The following BLVRA variants were observed in gnomAD, a reference collection of about 807,000 sequenced individuals.
BLVRA encodes BVR A.
In BLVRA, 22 loss-of-function variants were observed where a neutral mutation model predicts 32.8. The observed-to-expected ratio is 0.67, with a 90% CI of 0.48 to 0.96. BLVRA has a LOEUF of 0.96. Among genes scored for constraint, BLVRA ranks in the 40% least tolerant of loss-of-function variants. The probability of loss-of-function intolerance (pLI) is 0.00; values close to 1 mark genes in which losing one functional copy is unlikely to be tolerated. For synonymous variants in BLVRA, 119 were observed against 141.3 expected (o/e 0.84, Z 1.12); for missense variants, 323 against 358.1 (o/e 0.90, Z 0.79).
rs1196002729 is a variant in BLVRA, at chr7:43,774,186, T to C, written c.12+3016T>C. 9.9e-5 allele frequency among the ~76,000 whole-genome samples: 15 copies of C among 152,210 alleles called. 1 individual carries two copies. The highest frequency in any genetic ancestry group is 2.2e-4 in the Non-Finnish European group (15 of 68,046). On this transcript the variant is annotated intron_variant, in intron 2 of 7. Coordinates refer to ENST00000265523, the MANE Select transcript of BLVRA (RefSeq NM_000712.4). ...ATTTTGGCTTTTGTTGCCATTGCTT[T>C]TGGTGTTTTAGACATGAAGTCCTTG...
intron 5 of BLVRA, among the ~76,000 whole-genome samples, chr7:43,796,459 GTTT>G (rs2095792989): frequency 6.6e-6 from 1 of 152,148 alleles, no homozygotes; most frequent in South Asian, 2.1e-4. Context: ...TCTACCAAGT[GTTT>G]CAGTCTCTTC....
intron 4 of BLVRA, among the ~76,000 whole-genome samples, 172 bp from the exon 5 acceptor site, chr7:43,792,543 G>A (rs2095787282): frequency 6.6e-6 from 1 of 152,176 alleles, no homozygotes; most frequent in Admixed American, 6.5e-5. Context: ...AAAACAATGT[G>A]GGATACAGTT....
rs753993299 is a variant in BLVRA, at chr7:43,787,316, G to A, written c.13-588G>A. On this transcript the variant is annotated intron_variant, in intron 2 of 7. Coordinates refer to ENST00000265523, the MANE Select transcript of BLVRA (RefSeq NM_000712.4). This position sits in a 1 kb window ranked among gnomAD's most constrained non-coding sequence, Gnocchi z 4.5. The stretch of plus-strand genomic sequence containing the variant: ...TTCACTGTAATACTGTTCACATACA[G>A]CCTCCAGCAGTGCACTTAAATAATA... Among the ~76,000 whole-genome samples, 10 of 152,150 alleles carry A rather than the reference G, an allele frequency of 6.6e-5. No individual in the cohort carries two copies. Among genetic ancestry groups the A allele is most frequent in the Non-Finnish European group, 1.2e-4 (8 of 68,026 alleles).
At chr7:43,805,993 A>T (rs1787490232) in intron 7 of BLVRA, among the ~76,000 whole-genome samples, 1 of 152,250 alleles carries the variant, frequency 6.6e-6, no homozygotes, top group Non-Finnish European at 1.5e-5. Flanking sequence ...GCATTCCCTC[A>T]AATCCCAAGA....
intron 7 of BLVRA, among the ~76,000 whole-genome samples, chr7:43,805,581 C>T (rs1738873189): frequency 6.6e-6 from 1 of 152,074 alleles, no homozygotes. Context: ...CTGCACCCAG[C>T]CCTGGCTCTC....
chr7:43,778,905 A>G (rs1388528319), intron 2 of BLVRA, among the ~76,000 whole-genome samples: 3 of 152,356 alleles, frequency 2.0e-5, no homozygotes, highest in African/African-American at 7.2e-5. Context: ...GTTTGATCTC[A>G]GACTGCTGTG....
intron 2 of BLVRA, among the ~76,000 whole-genome samples, chr7:43,774,551 A>T (rs1305909329): frequency 3.9e-5 from 6 of 152,152 alleles, no homozygotes; most frequent in African/African-American, 1.4e-4. Context: ...GCCTTGTAGT[A>T]TAGTTAGAAG....
intron 1 of BLVRA, among the ~76,000 whole-genome samples, chr7:43,762,533 C>T (rs968673883): frequency 2.0e-5 from 3 of 149,748 alleles, no homozygotes; most frequent in African/African-American, 4.9e-5. Flanking sequence ...ATCTCTCCCA[C>T]GTGCAAATTG....
chr7:43,768,685 C>G lies in BLVRA; in HGVS notation c.-21-2453C>G, dbSNP rs564837653. On this transcript the variant is annotated intron_variant, in intron 1 of 7. Transcript: ENST00000265523. ...TGTCACTGTTCTGTTATCTGACTAT[C>G]ACTCACGTGCAAGCTCCAAGGGAGA... Among the ~76,000 whole-genome samples, 4 of 152,222 alleles carry G rather than the reference C, an allele frequency of 2.6e-5. No individual in the cohort carries two copies. The East Asian group carries it at 7.7e-4, about 29-fold the overall frequency.
At chr7:43,771,616 C>G (rs182912982) in intron 2 of BLVRA, among the ~76,000 whole-genome samples, 7 of 152,324 alleles carry the variant, frequency 4.6e-5, no homozygotes, top group Non-Finnish European at 7.3e-5. Context: ...CACTCCCTTC[C>G]AAGTGGAGCC....
At chr7:43,770,510 C>T (rs1200338747) in intron 1 of BLVRA, among the ~76,000 whole-genome samples, 1 of 152,076 alleles carries the variant, frequency 6.6e-6, no homozygotes, top group African/African-American at 2.4e-5. Flanking sequence ...AACAAGAATC[C>T]TAGGGGTACA....
chr7:43,771,700 T>A lies in BLVRA; in HGVS notation c.12+530T>A, dbSNP rs555500706. Among the ~76,000 whole-genome samples, 13 of 152,340 alleles carry A rather than the reference T, an allele frequency of 8.5e-5. 1 individual carries two copies. The South Asian group carries it at 2.7e-3, about 32-fold the overall frequency. ...ATGCTTTTCCCACTTGTCCTGTCCA[T>A]CCACATGGCAAACACAGAGGCCATC... On this transcript the variant is annotated intron_variant, in intron 2 of 7. Transcript: ENST00000265523.
At chr7:43,769,126 C>T (rs1007952481) in intron 1 of BLVRA, among the ~76,000 whole-genome samples, 2 of 151,980 alleles carry the variant, frequency 1.3e-5, no homozygotes, top group African/African-American at 4.8e-5. Context: ...TTCCTGGGCT[C>T]AAGTAATCCT....
chr7:43,800,678 C>T (rs1191748835), intron 6 of BLVRA, 106 bp downstream of exon 6: 1 of 1,048,672 alleles, frequency 9.5e-7, no homozygotes, highest in African/African-American at 1.6e-5. Context: ...GCTCAAGACT[C>T]TCTGACTCAG....
intron 6 of BLVRA, among the ~76,000 whole-genome samples, chr7:43,801,311 T>C (rs1364391920): frequency 6.6e-6 from 1 of 152,216 alleles, no homozygotes; most frequent in Non-Finnish European, 1.5e-5. Flanking sequence ...CAGTATCTGA[T>C]CTGTATTTGT....
At chr7:43,796,570 G>A (rs1413663091) in intron 5 of BLVRA, among the ~76,000 whole-genome samples, 2 of 152,094 alleles carry the variant, frequency 1.3e-5, no homozygotes. Flanking sequence ...ATGGATTAAA[G>A]AACTAAATTT....
upstream of BLVRA, chr7:43,758,660 C>G (rs1258194977): frequency 6.5e-6 from 1 of 152,864 alleles, no homozygotes; most frequent in African/African-American, 2.4e-5. Flanking sequence ...GGCAGCCAAT[C>G]GGAGCTGGGA....
chr7:43,802,546 G>T (rs1305356072), intron 6 of BLVRA, among the ~76,000 whole-genome samples: 4 of 152,028 alleles, frequency 2.6e-5, no homozygotes, highest in Non-Finnish European at 2.9e-5. Context: ...CACCCAGGCT[G>T]GAATGCAGTG....
chr7:43,763,028 G>A (rs753493837), intron 1 of BLVRA, among the ~76,000 whole-genome samples: 2 of 152,124 alleles, frequency 1.3e-5, no homozygotes, highest in African/African-American at 2.4e-5. Flanking sequence ...CTGATATACT[G>A]CCAAGTTTAT....
Sources: gnomAD v4.1 joint callset for allele counts (sites outside exome capture counted in the v4.1 genomes callset) on GRCh38, gnomAD v4.1.1 for gene constraint, Gnocchi (gnomAD v3.1) non-coding constraint, MANE v1.5 for transcripts, NCBI Gene and HGNC (gene_info 2026-07-23, HGNC 2026-07-21) for gene names.